P2RX1: variants seen among roughly 807,000 people sequenced by gnomAD.
The protein encoded by P2RX1 is purinergic receptor P2X 1.
Under a neutral mutation model 50.3 loss-of-function variants are expected in P2RX1, and 42 were observed. The ratio of observed to expected loss-of-function variants is 0.83; its 90% CI spans 0.65 to 1.08. The LOEUF (loss-of-function observed/expected upper bound fraction) is 1.08. Among genes scored for constraint, P2RX1 ranks in the 50% least tolerant of loss-of-function variants. The pLI is 0.00. For synonymous variants in P2RX1, 199 were observed against 202.6 expected (o/e 0.98, Z 0.15); for missense variants, 449 against 529.0 (o/e 0.85, Z 1.48).
In P2RX1 at chr17:3,898,832, AC is replaced by A. The variant is rs1451195427; in HGVS notation, c.966+101del. Reference sequence around the variant, plus strand: ...TATTAGAAGTAAAACTGCTGGATGAACCCACCCAACTTCCGGTTGTCTATAA... The same window carrying A: ...TATTAGAAGTAAAACTGCTGGATGAACCACCCAACTTCCGGTTGTCTATAA... On this transcript the variant is annotated intron_variant, in intron 9 of 11. Coordinates refer to ENST00000225538, the MANE Select transcript of P2RX1 (RefSeq NM_002558.4). The A allele has an allele frequency of 9.3e-6, 9 of 963,328 alleles. No individual in the cohort carries two copies. The African/African-American group carries it at 1.3e-4, about 14-fold the overall frequency. 59.7% of individuals were successfully genotyped at this position (963,328 alleles called of 1,614,324 possible). A position where few individuals can be genotyped will look rare whatever the true frequency, so the allele number is the denominator to read the frequency against.
At chr17:3,904,963 G>GGGGGGGGGGGGGC in intron 2 of P2RX1, 34 bp from the exon 3 acceptor site, 1 of 435,316 alleles carries the variant, frequency 2.3e-6, no homozygotes, top group Non-Finnish European at 4.7e-6. Context: ...GGTGGGGTGG[G>GGGGGGGGGGGGGC]CTGGGAGCTG....
At chr17:3,899,916 CA>C (rs1241129634) in intron 7 of P2RX1, among the ~76,000 whole-genome samples, 155 bp from the exon 8 acceptor site, 1 of 151,954 alleles carries the variant, frequency 6.6e-6, no homozygotes, top group Non-Finnish European at 1.5e-5. Context: ...GTCTGGTCAA[CA>C]GGGTGAAAAC....
rs1403921845 is a variant in P2RX1, at chr17:3,898,982, G to A, written c.918C>T (p.His306=). The change falls in exon 9 of 12, where the codon CAC becomes CAT. Residue 306 remains histidine (H), a synonymous_variant. Transcript: ENST00000225538. Reference sequence around the variant, plus strand: ...AGCGAATCCCAAACACCTTGAAGAGGTGACGGTAGTTGGTCCCGTTCTCCA... The same window carrying A: ...AGCGAATCCCAAACACCTTGAAGAGATGACGGTAGTTGGTCCCGTTCTCCA... The part of the protein sequence containing the change: ...HFVENGTNYR[H]LFKVFGIRFD... 1 of 1,613,704 alleles carries A rather than the reference G, an allele frequency of 6.2e-7. No homozygotes were observed. The highest frequency in any genetic ancestry group is 8.5e-7 in the Non-Finnish European group (1 of 1,179,894).
intron 1 of P2RX1, among the ~76,000 whole-genome samples, chr17:3,908,452 A>G (rs111908789): frequency 0.027 from 4,146 of 152,246 alleles, 202 homozygotes; most frequent in African/African-American, 0.094. Context: ...TAATCCCGCT[A>G]CTTGGGAGGC....
In P2RX1 at chr17:3,916,361, G is replaced by A; in HGVS notation, c.-136C>T. 1.0e-6 allele frequency: 1 copy of A among 1,003,516 alleles called. No individual in the cohort carries two copies. The highest frequency in any genetic ancestry group is 1.6e-5 in the South Asian group (1 of 63,992). The allele number at this position is 1,003,516 out of a possible 1,614,324, so 62.2% of individuals were successfully genotyped here. On this transcript the variant is annotated 5_prime_UTR_variant, in exon 1 of 12. Transcript: ENST00000225538. ...CCTTAGGAAGAGCAGGGCGGTGCAG[G>A]TGGAGCCAGAGGACAGGAGCCAGAG...
At position 3,914,993 on chromosome 17, in the gene P2RX1, T is replaced by G. The variant is rs1279427689; in HGVS notation, c.137+1096A>C. 1.3e-5 allele frequency among the ~76,000 whole-genome samples: 2 copies of G among 152,116 alleles called. No homozygotes were observed. Among genetic ancestry groups the G allele is most frequent in the Non-Finnish European group, 2.9e-5 (2 of 67,994 alleles). ...TGGACGCCAGAAGTTTCCGGGGGAC[T>G]AGGACTTCATGGTCCTTGTTTGGGC... On this transcript the variant is annotated intron_variant, in intron 1 of 11. Transcript: ENST00000225538. The surrounding 1 kb of genome is among the most constrained non-coding windows in gnomAD (Gnocchi z 4.1).
At chr17:3,915,614 C>T (rs916692603) in intron 1 of P2RX1, 13 of 457,358 alleles carry the variant, frequency 2.8e-5, no homozygotes, top group Non-Finnish European at 5.7e-5. Context: ...CTCCGGGGGC[C>T]TCAAACGTCC....
intron 8 of P2RX1, among the ~76,000 whole-genome samples, 186 bp downstream of exon 8, chr17:3,899,448 A>G (rs979221886): frequency 6.6e-6 from 1 of 151,252 alleles, no homozygotes; most frequent in Non-Finnish European, 1.5e-5. Flanking sequence ...ACCCAGGGAC[A>G]GGGGATTTGA....
At chr17:3,910,067 C>T (rs756955742) in intron 1 of P2RX1, among the ~76,000 whole-genome samples, 2 of 151,576 alleles carry the variant, frequency 1.3e-5, no homozygotes, top group South Asian at 2.1e-4. Flanking sequence ...CTCTGCCTCC[C>T]GGATTCAAGC....
chr17:3,910,031 A>G (rs1366998838), intron 1 of P2RX1, among the ~76,000 whole-genome samples: 3 of 148,200 alleles, frequency 2.0e-5, no homozygotes, highest in African/African-American at 7.5e-5. Context: ...CTGGAGTGCA[A>G]TGAGGCGATC....
chr17:3,913,513 C>T (rs1209760881), intron 1 of P2RX1, among the ~76,000 whole-genome samples: 1 of 152,218 alleles, frequency 6.6e-6, no homozygotes, highest in Non-Finnish European at 1.5e-5. Context: ...TGCACTTGCC[C>T]AGGATCTCCT....
chr17:3,904,465 C>T (rs1159373947), intron 3 of P2RX1, 66 bp from the exon 4 acceptor site: 5 of 1,425,088 alleles, frequency 3.5e-6, no homozygotes, highest in East Asian at 2.4e-5. Flanking sequence ...GCCCCTCTCC[C>T]CACCCCCCAG....
intron 4 of P2RX1, 111 bp downstream of exon 4, chr17:3,904,219 G>A (rs1437238496): frequency 1.2e-5 from 14 of 1,187,298 alleles, no homozygotes; most frequent in African/African-American, 3.0e-5. Context: ...CCCGGAGGCC[G>A]CCTCGGCGGG....
At chr17:3,905,421 T>A in intron 1 of P2RX1, 54 bp from the exon 2 acceptor site, 1 of 1,597,288 alleles carries the variant, frequency 6.3e-7, no homozygotes, top group African/African-American at 1.3e-5. Context: ...GCTGGACCTG[T>A]CACACGCTTT....
intron 1 of P2RX1, among the ~76,000 whole-genome samples, chr17:3,910,163 C>T (rs1182765473): frequency 6.6e-6 from 1 of 151,808 alleles, no homozygotes; most frequent in African/African-American, 2.4e-5. Flanking sequence ...TTAGTATAGA[C>T]GGGGCTTCAC....
chr17:3,913,970 G>C (rs1158391100), intron 1 of P2RX1, among the ~76,000 whole-genome samples: 1 of 152,216 alleles, frequency 6.6e-6, no homozygotes, highest in African/African-American at 2.4e-5. Context: ...TGCCGCTGTG[G>C]GTTCCTGGCT....
intron 1 of P2RX1, 115 bp downstream of exon 1, chr17:3,915,974 T>C (rs976393707): frequency 8.0e-7 from 1 of 1,256,110 alleles, no homozygotes; most frequent in Non-Finnish European, 1.1e-6. Flanking sequence ...CAGGAAGGCC[T>C]TCCCCTGGAT....
intron 7 of P2RX1, among the ~76,000 whole-genome samples, chr17:3,901,599 GA>G (rs1397577737): frequency 1.3e-5 from 2 of 152,078 alleles, no homozygotes; most frequent in Admixed American, 6.5e-5. Context: ...TCTGGCCCTT[GA>G]AAAAAAAGTT....
At chr17:3,908,449 G>A (rs752561952) in intron 1 of P2RX1, among the ~76,000 whole-genome samples, 5 of 152,092 alleles carry the variant, frequency 3.3e-5, no homozygotes, top group African/African-American at 7.2e-5. Flanking sequence ...CTGTAATCCC[G>A]CTACTTGGGA....
Sources: gnomAD v4.1 joint callset for allele counts (sites outside exome capture counted in the v4.1 genomes callset) on GRCh38, gnomAD v4.1.1 for gene constraint, Gnocchi (gnomAD v3.1) non-coding constraint, MANE v1.5 for transcripts, NCBI Gene and HGNC (gene_info 2026-07-23, HGNC 2026-07-21) for gene names.